The following IL31RA variants were observed in gnomAD, a reference collection of about 807,000 sequenced individuals.
IL31RA encodes interleukin-31 receptor subunit alpha.
In IL31RA, 66 loss-of-function variants were observed where a neutral mutation model predicts 83.7. The ratio of observed to expected loss-of-function variants is 0.79; its 90% CI spans 0.65 to 0.97. IL31RA has a LOEUF of 0.97. Among genes scored for constraint, IL31RA ranks in the 50% least tolerant of loss-of-function variants. IL31RA has a pLI of 0.00. For synonymous variants in IL31RA, 325 were observed against 329.0 expected, an observed-to-expected ratio of 0.99 and a Z score of 0.13; for missense variants, 798 against 919.4, an observed-to-expected ratio of 0.87 and a Z score of 1.71.
Position 55,861,348 on chromosome 5 carries a change from G to C in IL31RA, c.154+1749G>C, listed in dbSNP as rs576141040. On this transcript the variant is annotated intron_variant, in intron 2 of 14. Coordinates refer to ENST00000652347, the MANE Select transcript of IL31RA (RefSeq NM_139017.7). ...GGAACTGGGCCACACAGCAGGAGAT[G>C]AGCTGCTGGTGAGCCAGAGTTACTG... Among the ~76,000 whole-genome samples the C allele has an allele frequency of 2.6e-5, 4 of 152,296 alleles. No individual in the cohort carries two copies. In the East Asian group the frequency reaches 7.7e-4, roughly 29 times the overall value.
intron 5 of IL31RA, among the ~76,000 whole-genome samples, chr5:55,883,500 G>T (rs913849267): frequency 6.6e-6 from 1 of 152,070 alleles, no homozygotes; most frequent in African/African-American, 2.4e-5. Flanking sequence ...CTATGGTTTG[G>T]CCATTTTATT....
intron 6 of IL31RA, 60 bp downstream of exon 6, chr5:55,890,195 G>C: frequency 6.4e-7 from 1 of 1,561,578 alleles, no homozygotes; most frequent in Non-Finnish European, 8.8e-7. Context: ...CTTTGGGCTA[G>C]ACTTGGTGGG....
intron 1 of IL31RA, among the ~76,000 whole-genome samples, chr5:55,857,411 A>AT (rs1745426692): frequency 6.6e-6 from 1 of 152,046 alleles, no homozygotes; most frequent in African/African-American, 2.4e-5. Context: ...CTTTGTTCAC[A>AT]TTTTTTACCA....
intron 4 of IL31RA, among the ~76,000 whole-genome samples, chr5:55,882,833 A>G (rs1209897543): frequency 6.6e-6 from 1 of 152,046 alleles, no homozygotes; most frequent in Non-Finnish European, 1.5e-5. Context: ...GAAAAATCAC[A>G]GGAATGCATC....
At chr5:55,883,245 G>C in intron 5 of IL31RA, 50 bp downstream of exon 5, 24 of 1,452,682 alleles carry the variant, frequency 1.7e-5, no homozygotes, top group African/African-American at 4.3e-5. Flanking sequence ...CAGAGGAAAA[G>C]AATCATTGAC....
upstream of IL31RA, among the ~76,000 whole-genome samples, chr5:55,847,244 A>AAAAT (rs371149253): frequency 9.4e-3 from 574 of 61,118 alleles, 10 homozygotes; most frequent in South Asian, 0.096. Context: ...AAAAAAAATA[A>AAAAT]AAATAAATAA....
At chr5:55,877,550 C>G (rs1746935057) in intron 4 of IL31RA, among the ~76,000 whole-genome samples, 1 of 152,174 alleles carries the variant, frequency 6.6e-6, no homozygotes, top group East Asian at 1.9e-4. Context: ...ACTCTCTCAA[C>G]TTTTATTTAT....
intron 1 of IL31RA, among the ~76,000 whole-genome samples, chr5:55,854,766 A>C (rs1745258539): frequency 6.6e-6 from 1 of 151,548 alleles, no homozygotes; most frequent in Admixed American, 6.6e-5. Context: ...AAAGAAATAA[A>C]ATATAAAATA....
At chr5:55,907,544 C>T (rs1749236651) in intron 10 of IL31RA, 84 bp downstream of exon 10, 2 of 869,758 alleles carry the variant, frequency 2.3e-6, no homozygotes, top group Non-Finnish European at 3.9e-6. Flanking sequence ...GCCTGTAGCT[C>T]ATTCCCAGCC....
intron 11 of IL31RA, chr5:55,909,018 GCCCTATACCCATTCATT>G (rs1178468626): frequency 2.2e-6 from 1 of 449,038 alleles, no homozygotes; most frequent in Non-Finnish European, 3.0e-6. Context: ...CCAAATAGAA[GCCCTATACCCATTCATT>G]AGTCACTCCC....
chr5:55,874,109 A>G (rs1029189647), intron 4 of IL31RA, among the ~76,000 whole-genome samples: 1 of 152,084 alleles, frequency 6.6e-6, no homozygotes, highest in African/African-American at 2.4e-5. Context: ...GCATGTGGAT[A>G]TCCAGTTATC....
intron 6 of IL31RA, 53 bp from the exon 7 acceptor site, chr5:55,896,297 C>G: frequency 8.0e-7 from 1 of 1,244,760 alleles, no homozygotes. Flanking sequence ...TTTCCTGTCT[C>G]CTCTGCAACT....
chr5:55,891,024 A>T (rs1747954483), intron 6 of IL31RA, among the ~76,000 whole-genome samples: 1 of 152,178 alleles, frequency 6.6e-6, no homozygotes, highest in African/African-American at 2.4e-5. Flanking sequence ...AGTAGTACCT[A>T]TTTTTTAGTA....
Position 55,917,803 on chromosome 5 carries a change from T to C in IL31RA, c.*683T>C, listed in dbSNP as rs10052798. ...AATGGGGAGGGCCCTGGGGAATGTA[T>C]GCTGCCGGGCGCAGCTCTGTCCAGT... On this transcript the variant is annotated 3_prime_UTR_variant, in exon 15 of 15. Transcript: ENST00000652347. Among the ~76,000 whole-genome samples the C allele has an allele frequency of 0.23, 35,631 of 152,184 alleles. 4,901 individuals carry two copies. The highest frequency in any genetic ancestry group is 0.48 in the East Asian group (2,479 of 5,178).
intron 4 of IL31RA, among the ~76,000 whole-genome samples, chr5:55,880,194 A>G (rs1400702908): frequency 6.6e-6 from 1 of 152,224 alleles, no homozygotes; most frequent in Non-Finnish European, 1.5e-5. Flanking sequence ...TCTATTGTAT[A>G]CAGCTCTACT....
rs536010245 is a variant in IL31RA at position 55,856,884 on chromosome 5, G to A, written c.64-2625G>A. 9.9e-5 allele frequency among the ~76,000 whole-genome samples: 15 copies of A among 152,188 alleles called. No individual in the cohort carries two copies. In the East Asian group the frequency reaches 2.9e-3, roughly 29 times the overall value. On this transcript the variant is annotated intron_variant, in intron 1 of 14. Coordinates refer to ENST00000652347, the MANE Select transcript of IL31RA (RefSeq NM_139017.7). ...TCTTTCCTCAAAGTCTTCTGTTTAGGATACAATTAGTTGAGTAGATTCCCG... is the reference window on the plus strand; with the variant it reads ...TCTTTCCTCAAAGTCTTCTGTTTAGAATACAATTAGTTGAGTAGATTCCCG...
intron 8 of IL31RA, 58 bp downstream of exon 8, chr5:55,900,190 C>A: frequency 1.6e-6 from 2 of 1,244,994 alleles, no homozygotes; most frequent in East Asian, 2.3e-5. Flanking sequence ...GGCCAAGGAG[C>A]AGTCCCTGTG....
At chr5:55,842,945 G>GC in the IL31RA span, among the ~76,000 whole-genome samples, 3 of 152,148 alleles carry the variant, frequency 2.0e-5, no homozygotes, top group Non-Finnish European at 4.4e-5. Flanking sequence ...GCTCAGCTCT[G>GC]CCCCGTCTTT....
intron 1 of IL31RA, among the ~76,000 whole-genome samples, chr5:55,852,642 CT>C (rs1304758164): frequency 1.3e-5 from 2 of 152,118 alleles, no homozygotes; most frequent in Admixed American, 1.3e-4. Context: ...GTTTTCTTTC[CT>C]TTTGCATCAT....
Sources: gnomAD v4.1 joint callset for allele counts (sites outside exome capture counted in the v4.1 genomes callset) on GRCh38, gnomAD v4.1.1 for gene constraint, MANE v1.5 for transcripts, NCBI Gene and HGNC (gene_info 2026-07-23, HGNC 2026-07-21) for gene names.